Variants in PRMT3 observed in about 807,000 individuals in gnomAD.
PRMT3 encodes protein arginine N-methyltransferase 3.
Under a neutral mutation model 71.9 loss-of-function variants are expected in PRMT3, and 62 were observed. That is an observed-to-expected ratio of 0.86 (90% CI 0.70 to 1.07). The LOEUF is 1.07. Ranked by LOEUF, PRMT3 falls within the 50% of genes least tolerant of loss-of-function variation. The probability of loss-of-function intolerance (pLI) is 0.00; values close to 1 mark genes in which losing one functional copy is unlikely to be tolerated. For synonymous variants in PRMT3, 213 were observed against 220.4 expected, an observed-to-expected ratio of 0.97 and a Z score of 0.30; for missense variants, 663 against 643.0, an observed-to-expected ratio of 1.03 and a Z score of -0.34.
chr11:20,431,936 G>A (rs1321323198), intron 10 of PRMT3, among the ~76,000 whole-genome samples: 1 of 151,990 alleles, frequency 6.6e-6, no homozygotes, highest in Non-Finnish European at 1.5e-5. Context: ...GATATTTATA[G>A]TACTTGAACA....
At chr11:20,413,299 A>C (rs934422624) in intron 9 of PRMT3, among the ~76,000 whole-genome samples, 6 of 152,172 alleles carry the variant, frequency 3.9e-5, no homozygotes, top group Non-Finnish European at 8.8e-5. Context: ...GGAAACAGTT[A>C]ATTGTTAATA....
rs1737124931 is a variant in PRMT3, at chr11:20,392,206, T to C, written c.248-5T>C. The C allele has an allele frequency of 6.4e-7, 1 of 1,573,684 alleles. No homozygotes were observed. The highest frequency in any genetic ancestry group is 8.7e-7 in the Non-Finnish European group (1 of 1,152,522). ...CATAGGTGAATTATCTTTTTCCCCC[T>C]TTAGGACTTGAATTTTATGGATACA... On this transcript the variant is annotated splice_region_variant and splice_polypyrimidine_tract_variant and intron_variant, in intron 3 of 15. Transcript: ENST00000331079.
At chr11:20,413,173 G>A (rs1849231750) in intron 9 of PRMT3, among the ~76,000 whole-genome samples, 1 of 152,082 alleles carries the variant, frequency 6.6e-6, no homozygotes, top group Non-Finnish European at 1.5e-5. Context: ...TTGTGAAAAG[G>A]TAGTTATTTT....
chr11:20,391,219 T>C (rs1164904743), intron 3 of PRMT3, among the ~76,000 whole-genome samples: 1 of 152,206 alleles, frequency 6.6e-6, no homozygotes, highest in Non-Finnish European at 1.5e-5. Flanking sequence ...AAGGCATAAA[T>C]GACAGCCTCA....
In PRMT3 at chr11:20,393,378, C is replaced by G. The variant is rs146651424; in HGVS notation, c.400+379C>G. On this transcript the variant is annotated intron_variant, in intron 5 of 15. Transcript: ENST00000331079. The stretch of plus-strand genomic sequence containing the variant: ...AGGAGAATCACTTGAACCTGGTATA[C>G]AGGTGACAGAGCAAGACTCTGTCTA... Among the ~76,000 whole-genome samples, 146 of 152,308 alleles carry G rather than the reference C, an allele frequency of 9.6e-4. 2 individuals carry two copies. The East Asian group carries it at 0.024, about 25-fold the overall frequency.
intron 10 of PRMT3, among the ~76,000 whole-genome samples, chr11:20,433,822 G>C (rs1385264923): frequency 2.6e-5 from 4 of 152,100 alleles, no homozygotes; most frequent in African/African-American, 9.7e-5. Flanking sequence ...GTTTCACCAT[G>C]TTGGCCAGGC....
chr11:20,506,481 AAACTGTGAGTCTC>A (rs1851593414), intron 15 of PRMT3, among the ~76,000 whole-genome samples: 2 of 138,334 alleles, frequency 1.4e-5, no homozygotes, highest in Admixed American at 8.0e-5. Context: ...ATTATGTGTT[AAACTGTGAGTCTC>A]ACCTTTTTTG....
rs944427654 is a variant in PRMT3 at position 20,388,293 on chromosome 11, G to A, written c.164+139G>A. ...CTGGAACCACTGGTCTGGGGTGAGGGCTTGTGGAGAAGGAGGACCCTCGGT... is the reference window on the plus strand; with the variant it reads ...CTGGAACCACTGGTCTGGGGTGAGGACTTGTGGAGAAGGAGGACCCTCGGT... On this transcript the variant is annotated intron_variant, in intron 2 of 15. Coordinates refer to ENST00000331079, the MANE Select transcript of PRMT3 (RefSeq NM_005788.4). The A allele has an allele frequency of 3.9e-6, 5 of 1,290,034 alleles. No homozygotes were observed. The African/African-American group carries it at 7.4e-5, about 19-fold the overall frequency. 79.9% of individuals were successfully genotyped at this position (1,290,034 alleles called of 1,614,324 possible). A position where few individuals can be genotyped will look rare whatever the true frequency, so the allele number is the denominator to read the frequency against.
chr11:20,399,454 ATACGT>A (rs1194234811), intron 7 of PRMT3, among the ~76,000 whole-genome samples: 3 of 152,176 alleles, frequency 2.0e-5, no homozygotes, highest in Non-Finnish European at 2.9e-5. Context: ...ATTATAAGTA[ATACGT>A]TATTTTAAGT....
chr11:20,452,856 G>A (rs1169268855), intron 11 of PRMT3, among the ~76,000 whole-genome samples: 1 of 152,194 alleles, frequency 6.6e-6, no homozygotes, highest in African/African-American at 2.4e-5. Flanking sequence ...TTTCAGGACA[G>A]GGATTGTGTT....
chr11:20,483,608 T>A (rs1198373050), intron 13 of PRMT3, among the ~76,000 whole-genome samples: 1 of 151,060 alleles, frequency 6.6e-6, no homozygotes, highest in Non-Finnish European at 1.5e-5. Context: ...AAACATGGAC[T>A]GAACACTATG....
intron 13 of PRMT3, among the ~76,000 whole-genome samples, chr11:20,471,819 C>A (rs1404624525): frequency 6.6e-6 from 1 of 152,148 alleles, no homozygotes; most frequent in Non-Finnish European, 1.5e-5. Context: ...AATATTGATT[C>A]TTTCTATCCC....
intron 9 of PRMT3, among the ~76,000 whole-genome samples, chr11:20,409,798 G>A (rs1352307865): frequency 1.3e-5 from 2 of 151,660 alleles, no homozygotes; most frequent in Non-Finnish European, 2.9e-5. Flanking sequence ...GATCATTTTG[G>A]GGGTTCCATA....
intron 13 of PRMT3, among the ~76,000 whole-genome samples, chr11:20,479,232 G>A (rs183121325): frequency 2.0e-5 from 3 of 152,166 alleles, no homozygotes; most frequent in Non-Finnish European, 4.4e-5. Flanking sequence ...CTGGGCTTAG[G>A]TGGTGGTGCG....
At chr11:20,423,752 C>G (rs1452311601) in intron 9 of PRMT3, among the ~76,000 whole-genome samples, 1 of 151,136 alleles carries the variant, frequency 6.6e-6, no homozygotes, top group Non-Finnish European at 1.5e-5. Context: ...TTACTTCTGT[C>G]TGTGGCTTAA....
chr11:20,501,856 A>G (rs777959451), intron 15 of PRMT3, among the ~76,000 whole-genome samples: 1 of 152,202 alleles, frequency 6.6e-6, no homozygotes, highest in Non-Finnish European at 1.5e-5. Flanking sequence ...CTTTGAAAAT[A>G]TAAAATCAGG....
chr11:20,399,105 A>G (rs529376899), intron 7 of PRMT3, among the ~76,000 whole-genome samples: 1 of 152,336 alleles, frequency 6.6e-6, no homozygotes, highest in Non-Finnish European at 1.5e-5. Flanking sequence ...CGTAAAATTG[A>G]AAGTTTTAGA....
At chr11:20,426,242 C>T (rs1486782534) in intron 9 of PRMT3, among the ~76,000 whole-genome samples, 6 of 152,148 alleles carry the variant, frequency 3.9e-5, no homozygotes, top group Non-Finnish European at 4.4e-5. Flanking sequence ...CTCTTAATAG[C>T]CTGTGACGTA....
At chr11:20,433,532 A>C (rs1375881528) in intron 10 of PRMT3, among the ~76,000 whole-genome samples, 1 of 152,152 alleles carries the variant, frequency 6.6e-6, no homozygotes, top group Non-Finnish European at 1.5e-5. Flanking sequence ...ATTCATGTGC[A>C]TCTTGCTCTT....
Sources: gnomAD v4.1 joint callset for allele counts (sites outside exome capture counted in the v4.1 genomes callset) on GRCh38, gnomAD v4.1.1 for gene constraint, MANE v1.5 for transcripts, NCBI Gene and HGNC (gene_info 2026-07-23, HGNC 2026-07-21) for gene names.